Variants in DOCK8 observed in about 807,000 individuals in gnomAD.
The protein encoded by DOCK8 is dedicator of cytokinesis 8, also known as dedicator of cytokinesis protein 8.
In DOCK8, 141 loss-of-function variants were observed where a neutral mutation model predicts 245.6. That is an observed-to-expected ratio of 0.57 (90% CI 0.50 to 0.66). DOCK8 has a LOEUF of 0.66. DOCK8 is among the 30% of genes least tolerant of loss of function. The probability of loss-of-function intolerance (pLI) is 0.00; values close to 1 mark genes in which losing one functional copy is unlikely to be tolerated. For missense variants in DOCK8, 2,965 were observed against 2,603.4 expected (o/e 1.14, Z -3.02); for synonymous variants, 1,168 against 970.2 (o/e 1.20, Z -3.79).
At chr9:359,448 A>C (rs2052615560) in intron 14 of DOCK8, among the ~76,000 whole-genome samples, 1 of 152,232 alleles carries the variant, frequency 6.6e-6, no homozygotes, top group South Asian at 2.1e-4. Flanking sequence ...ATAGAGTAAG[A>C]ATGAAATAAT....
intron 28 of DOCK8, 65 bp from the exon 29 acceptor site, chr9:414,717 G>A: frequency 6.2e-7 from 1 of 1,604,374 alleles, no homozygotes; most frequent in South Asian, 1.1e-5. Context: ...ACTCTTGACT[G>A]TTTAAGAGCT....
intron 4 of DOCK8, among the ~76,000 whole-genome samples, chr9:298,174 C>T (rs1217066460): frequency 6.6e-6 from 1 of 152,170 alleles, no homozygotes; most frequent in Non-Finnish European, 1.5e-5. Context: ...CCTGTAATCG[C>T]AGCACTTTGG....
At chr9:343,387 C>T (rs911776929) in intron 14 of DOCK8, among the ~76,000 whole-genome samples, 1 of 151,934 alleles carries the variant, frequency 6.6e-6, no homozygotes. Flanking sequence ...GTTCTAGCTA[C>T]CCAGAAGGCT....
chr9:331,386 G>A (rs75779633), intron 9 of DOCK8, among the ~76,000 whole-genome samples: 2,871 of 152,282 alleles, frequency 0.019, 88 homozygotes, highest in African/African-American at 0.065. Context: ...CCTGCTTGGA[G>A]TCCTCCCTGA....
chr9:390,556 T>C lies in DOCK8; in HGVS notation c.2960T>C (p.Phe987Ser), dbSNP rs1295162780. The C allele has an allele frequency of 1.2e-6, 2 of 1,614,118 alleles. No homozygotes were observed. Among genetic ancestry groups the C allele is most frequent in the Non-Finnish European group, 8.5e-7 (1 of 1,179,968 alleles). Residue 987 changes from phenylalanine to serine, a missense_variant, in exon 24 of 48, where the codon TTT (phenylalanine) becomes TCT (serine). Phe to Ser is a radical substitution (Grantham distance 155). Coordinates refer to ENST00000432829, the MANE Select transcript of DOCK8 (RefSeq NM_203447.4). The part of the protein sequence containing the change: ...ETVFKYAWFF[F>S]ELLVKSMAQH... ...GTCTTCAAGTATGCCTGGTTCTTCT[T>C]TGAGCTTCTGGTGAGATTCTTGCGC...
At chr9:294,634 T>C (rs140026631) in intron 4 of DOCK8, among the ~76,000 whole-genome samples, 118 of 152,334 alleles carry the variant, frequency 7.7e-4, no homozygotes, top group African/African-American at 2.8e-3. Flanking sequence ...ATAAAACCTA[T>C]GTGCAAATAC....
At chr9:433,191 C>A (rs2056778389) in intron 37 of DOCK8, among the ~76,000 whole-genome samples, 1 of 152,200 alleles carries the variant, frequency 6.6e-6, no homozygotes, top group African/African-American at 2.4e-5. Flanking sequence ...TATTCACCAA[C>A]AAGACCAATC....
At chr9:409,497 A>G (rs187248862) in intron 28 of DOCK8, among the ~76,000 whole-genome samples, 121 of 152,324 alleles carry the variant, frequency 7.9e-4, no homozygotes, top group African/African-American at 2.7e-3. Context: ...AATATTTTCT[A>G]TATAACGTTG....
chr9:436,124 G>A (rs1264618189), intron 39 of DOCK8, among the ~76,000 whole-genome samples: 2 of 152,234 alleles, frequency 1.3e-5, no homozygotes, highest in Non-Finnish European at 2.9e-5. Flanking sequence ...GTGCAGCCAA[G>A]AGCTTCTGGT....
At chr9:416,264 C>T (rs1232990718) in intron 29 of DOCK8, among the ~76,000 whole-genome samples, 2 of 152,166 alleles carry the variant, frequency 1.3e-5, no homozygotes, top group Non-Finnish European at 2.9e-5. Flanking sequence ...TTGTTTTTAA[C>T]ATTTACAGAC....
At chr9:451,618 G>C (rs2057440920) in intron 45 of DOCK8, among the ~76,000 whole-genome samples, 1 of 151,936 alleles carries the variant, frequency 6.6e-6, no homozygotes, top group African/African-American at 2.4e-5. Flanking sequence ...GCGAGACCCT[G>C]TCTAAAAAAC....
chr9:401,440 C>T (rs1054805677), intron 26 of DOCK8, among the ~76,000 whole-genome samples: 1 of 152,104 alleles, frequency 6.6e-6, no homozygotes, highest in Admixed American at 6.6e-5. Flanking sequence ...TGAGGCTGCT[C>T]CACAGCACAG....
intron 39 of DOCK8, 149 bp downstream of exon 39, chr9:435,124 G>T: frequency 1.1e-6 from 1 of 885,570 alleles, no homozygotes; most frequent in Non-Finnish European, 1.8e-6. Flanking sequence ...CATCTGACTG[G>T]TAGAAGCCAG....
intron 11 of DOCK8, among the ~76,000 whole-genome samples, chr9:336,106 A>G (rs2051297284): frequency 6.6e-6 from 1 of 152,164 alleles, no homozygotes; most frequent in African/African-American, 2.4e-5. Flanking sequence ...GGTCCACATA[A>G]TGAGAGCAGA....
chr9:249,922 C>G (rs1451023990), intron 1 of DOCK8, among the ~76,000 whole-genome samples: 1 of 152,126 alleles, frequency 6.6e-6, no homozygotes, highest in Non-Finnish European at 1.5e-5. Flanking sequence ...ACTGCTGCAC[C>G]TGGCTGACGT....
chr9:250,407 A>G (rs1311836959), intron 1 of DOCK8, among the ~76,000 whole-genome samples: 1 of 152,162 alleles, frequency 6.6e-6, no homozygotes, highest in East Asian at 1.9e-4. Flanking sequence ...AAAGAAACTG[A>G]TCTCCTCTGA....
intron 36 of DOCK8, among the ~76,000 whole-genome samples, chr9:430,919 G>A (rs1007839051): frequency 6.6e-6 from 1 of 152,078 alleles, no homozygotes; most frequent in Non-Finnish European, 1.5e-5. Flanking sequence ...ACCCAGGCTG[G>A]AGTGTAGTGG....
intron 21 of DOCK8, 65 bp from the exon 22 acceptor site, chr9:382,445 CCTT>C: frequency 6.2e-7 from 1 of 1,603,886 alleles, no homozygotes; most frequent in Non-Finnish European, 8.5e-7. Context: ...CTCTTCAATT[CCTT>C]CTTAAACTCA....
At chr9:308,141 C>T (rs1348170842) in intron 5 of DOCK8, among the ~76,000 whole-genome samples, 2 of 152,170 alleles carry the variant, frequency 1.3e-5, no homozygotes, top group Admixed American at 6.5e-5. Flanking sequence ...TTTGATAGTA[C>T]TGTAAGGTGA....
Sources: gnomAD v4.1 joint callset for allele counts (sites outside exome capture counted in the v4.1 genomes callset) on GRCh38, gnomAD v4.1.1 for gene constraint, MANE v1.5 for transcripts, NCBI Gene and HGNC (gene_info 2026-07-23, HGNC 2026-07-21) for gene names.